Variants in EPG5 observed in about 807,000 individuals in gnomAD.
The protein encoded by EPG5 is ectopic P granules protein 5 homolog.
In EPG5, 159 loss-of-function variants were observed where a neutral mutation model predicts 302.7. The ratio of observed to expected loss-of-function variants is 0.53; its 90% CI spans 0.46 to 0.60. The LOEUF (loss-of-function observed/expected upper bound fraction) is 0.60, where lower values mean the gene tolerates loss of function less well. Ranked by LOEUF, EPG5 falls within the 20% of genes least tolerant of loss-of-function variation. The pLI, the probability that EPG5 is intolerant of heterozygous loss-of-function variation, is 0.00. For synonymous variants in EPG5, 1,158 were observed against 1,136.8 expected (o/e 1.02, Z -0.37); for missense variants, 2,896 against 3,092.4 (o/e 0.94, Z 1.51).
chr18:45,863,273 T>TGGTAA (rs1467030749), intron 39 of EPG5, among the ~76,000 whole-genome samples: 1 of 152,198 alleles, frequency 6.6e-6, no homozygotes, highest in African/African-American at 2.4e-5. Flanking sequence ...ACTTAAGCAT[T>TGGTAA]AGTCCCTTTA....
chr18:45,810,123 GATAAATTCTTAGAAAGAT>G, the EPG5 span, among the ~76,000 whole-genome samples: 4 of 152,124 alleles, frequency 2.6e-5, no homozygotes. Context: ...AGAAGAGATG[GATAAATTCTTAGAAAGAT>G]ACAACTCTCC....
chr18:45,834,381 C>T, the EPG5 span, among the ~76,000 whole-genome samples: 4 of 152,204 alleles, frequency 2.6e-5, no homozygotes, highest in African/African-American at 9.7e-5. Context: ...CTGGACAAGA[C>T]ACACAGTTCA....
intron 23 of EPG5, among the ~76,000 whole-genome samples, 172 bp from the exon 24 acceptor site, chr18:45,908,253 G>A (rs1007575202): frequency 1.3e-5 from 2 of 152,112 alleles, no homozygotes; most frequent in Admixed American, 1.3e-4. Flanking sequence ...TCCAGCAGGG[G>A]AGGCACGTCA....
the EPG5 span, among the ~76,000 whole-genome samples, chr18:45,813,476 T>C: frequency 3.3e-5 from 5 of 152,190 alleles, no homozygotes; most frequent in Admixed American, 3.3e-4. Flanking sequence ...CGTATGTTTA[T>C]TGCAGCACTA....
In EPG5 at chr18:45,855,589, G is replaced by C; in HGVS notation, c.7541C>G (p.Thr2514Ser). The change falls in exon 43 of 44, where the codon ACC becomes AGC. Residue 2514 changes from threonine (T) to serine (S), a missense_variant. Transcript: ENST00000282041. ...RLRPGSELHL[T>S]PKAQQALNAL... ...TATACTGACCTGCTGAGCTTTGGGG[G>C]TCAGATGTAATTCAGAGCCAGGCCT... The C allele has an allele frequency of 6.2e-7, 1 of 1,613,804 alleles. No individual in the cohort carries two copies. Among genetic ancestry groups the C allele is most frequent in the Non-Finnish European group, 8.5e-7 (1 of 1,179,744 alleles).
the EPG5 span, among the ~76,000 whole-genome samples, chr18:45,808,151 C>G: frequency 2.0e-5 from 3 of 152,080 alleles, no homozygotes; most frequent in Admixed American, 6.6e-5. Flanking sequence ...AAGACAAGGT[C>G]TTCAAATTAA....
At chr18:45,865,843 C>T in intron 38 of EPG5, 84 bp from the exon 39 acceptor site, 1 of 1,430,644 alleles carries the variant, frequency 7.0e-7, no homozygotes, top group Non-Finnish European at 9.5e-7. Context: ...CATGGCACTG[C>T]AATGAATGCT....
chr18:45,833,926 C>G, the EPG5 span, among the ~76,000 whole-genome samples: 1 of 151,104 alleles, frequency 6.6e-6, no homozygotes, highest in Non-Finnish European at 1.5e-5. Flanking sequence ...TGGAAAAAAA[C>G]CCATGAATCC....
intron 1 of EPG5, among the ~76,000 whole-genome samples, chr18:45,962,750 T>C (rs2051176580): frequency 6.6e-6 from 1 of 152,192 alleles, no homozygotes; most frequent in South Asian, 2.1e-4. Context: ...CAGTTTGTGG[T>C]TCCCTAAATA....
chr18:45,821,977 T>A, the EPG5 span, among the ~76,000 whole-genome samples: 4 of 152,208 alleles, frequency 2.6e-5, no homozygotes. Flanking sequence ...GAAGCCACTA[T>A]AGAGAACAAT....
chr18:45,880,530 G>C (rs150775964), intron 31 of EPG5, among the ~76,000 whole-genome samples: 60 of 152,278 alleles, frequency 3.9e-4, no homozygotes, highest in African/African-American at 1.4e-3. Context: ...AATGGTGGCA[G>C]TGCCTCTCCT....
chr18:45,864,858 C>CGAGGCCA (rs1211738570), intron 39 of EPG5, among the ~76,000 whole-genome samples: 1 of 152,234 alleles, frequency 6.6e-6, no homozygotes, highest in Non-Finnish European at 1.5e-5. Flanking sequence ...CCTGCATAAA[C>CGAGGCCA]ATTTAACCTA....
chr18:45,829,124 G>T, the EPG5 span: 10 of 985,556 alleles, frequency 1.0e-5, no homozygotes, highest in Non-Finnish European at 9.6e-6. Context: ...GCAGCACTCT[G>T]GGGTGGGCAC....
At chr18:45,966,077 C>T (rs1037478999) in intron 1 of EPG5, among the ~76,000 whole-genome samples, 2 of 143,724 alleles carry the variant, frequency 1.4e-5, no homozygotes, top group African/African-American at 5.2e-5. Flanking sequence ...AAAACAAAAA[C>T]AAAACAAAAC....
chr18:45,830,946 T>A, the EPG5 span, among the ~76,000 whole-genome samples: 1 of 152,176 alleles, frequency 6.6e-6, no homozygotes, highest in East Asian at 1.9e-4. Flanking sequence ...GTCATTTTTA[T>A]CCAAGTATCA....
At chr18:45,966,375 CAAAAAA>C (rs540209261) in intron 1 of EPG5, among the ~76,000 whole-genome samples, 1 of 73,070 alleles carries the variant, frequency 1.4e-5, no homozygotes, top group African/African-American at 4.7e-5. Context: ...GACTCTGTCT[CAAAAAA>C]AAAAAAAAAA....
At chr18:45,899,702 G>A in intron 26 of EPG5, 136 bp from the exon 27 acceptor site, 2 of 863,380 alleles carry the variant, frequency 2.3e-6, no homozygotes, top group South Asian at 1.8e-5. Flanking sequence ...AGGACCAAAG[G>A]TTGTGAGCCA....
At chr18:45,962,833 C>T (rs2143911840) in intron 1 of EPG5, among the ~76,000 whole-genome samples, 1 of 152,254 alleles carries the variant, frequency 6.6e-6, no homozygotes, top group East Asian at 1.9e-4. Flanking sequence ...GAACTATAAC[C>T]AGCACTAAGA....
the EPG5 span, among the ~76,000 whole-genome samples, chr18:45,817,114 G>C: frequency 6.6e-6 from 1 of 152,090 alleles, no homozygotes; most frequent in East Asian, 1.9e-4. Context: ...GAGACTCAGG[G>C]GGAATGCGTG....
Sources: gnomAD v4.1 joint callset for allele counts (sites outside exome capture counted in the v4.1 genomes callset) on GRCh38, gnomAD v4.1.1 for gene constraint, MANE v1.5 for transcripts, NCBI Gene and HGNC (gene_info 2026-07-23, HGNC 2026-07-21) for gene names.